Variants in GRIK2 observed in about 807,000 individuals in gnomAD.
The protein encoded by GRIK2 is glutamate receptor ionotropic, kainate 2.
Under a neutral mutation model 100.3 loss-of-function variants are expected in GRIK2, and 32 were observed. That is an observed-to-expected ratio of 0.32 (90% CI 0.24 to 0.43). GRIK2 has a LOEUF of 0.43. Ranked by LOEUF, GRIK2 falls within the 20% of genes least tolerant of loss-of-function variation. The pLI, the probability that GRIK2 is intolerant of heterozygous loss-of-function variation, is 1.00. For missense variants in GRIK2, 843 were observed against 1,114.9 expected (o/e 0.76, Z 3.47); for synonymous variants, 417 against 389.4 (o/e 1.07, Z -0.83).
intron 2 of GRIK2, among the ~76,000 whole-genome samples, chr6:101,558,691 C>T (rs1476462865): frequency 8.7e-6 from 1 of 114,498 alleles, no homozygotes; most frequent in Non-Finnish European, 1.8e-5. Context: ...TCTATGTTGA[C>T]TGCTAGTTTT....
intron 10 of GRIK2, among the ~76,000 whole-genome samples, chr6:101,820,907 T>A (rs1023652539): frequency 1.3e-5 from 2 of 152,214 alleles, no homozygotes; most frequent in African/African-American, 4.8e-5. Flanking sequence ...TACTCCATCA[T>A]GGCATTATCA....
chr6:101,648,471 T>C (rs1332302597), intron 4 of GRIK2, among the ~76,000 whole-genome samples: 2 of 152,126 alleles, frequency 1.3e-5, no homozygotes, highest in Non-Finnish European at 2.9e-5. Context: ...CATATTACCT[T>C]ACATCTATGT....
At chr6:101,850,719 A>G (rs1204842670) in intron 10 of GRIK2, among the ~76,000 whole-genome samples, 1 of 152,082 alleles carries the variant, frequency 6.6e-6, no homozygotes, top group Admixed American at 6.6e-5. Flanking sequence ...TGGGGTTGAT[A>G]GTAGAAATGC....
intron 7 of GRIK2, among the ~76,000 whole-genome samples, chr6:101,788,209 C>CT (rs1024999720): frequency 9.4e-5 from 14 of 149,450 alleles, no homozygotes; most frequent in Admixed American, 1.3e-4. Flanking sequence ...GAATTTCTTT[C>CT]TTTTTTTTTA....
intron 7 of GRIK2, among the ~76,000 whole-genome samples, chr6:101,755,887 A>G (rs17062456): frequency 6.6e-6 from 1 of 152,166 alleles, no homozygotes; most frequent in Non-Finnish European, 1.5e-5. Context: ...CAATTTTATG[A>G]AACATTATTA....
chr6:101,528,974 C>T (rs1775287426), intron 2 of GRIK2, among the ~76,000 whole-genome samples: 1 of 148,824 alleles, frequency 6.7e-6, no homozygotes, highest in Non-Finnish European at 1.5e-5. Flanking sequence ...TATGGCTTAG[C>T]CTATGAATAT....
chr6:101,776,549 T>G (rs1583126939), intron 7 of GRIK2, among the ~76,000 whole-genome samples: 2 of 152,116 alleles, frequency 1.3e-5, no homozygotes, highest in African/African-American at 4.8e-5. Flanking sequence ...CTTTTATAGA[T>G]GAAGAAACTG....
At chr6:101,606,617 C>T (rs917222911) in intron 2 of GRIK2, among the ~76,000 whole-genome samples, 1 of 152,110 alleles carries the variant, frequency 6.6e-6, no homozygotes, top group East Asian at 1.9e-4. Context: ...GACTCTGAGC[C>T]ACCTCCTTGT....
chr6:101,834,512 A>T (rs979578872), intron 10 of GRIK2, among the ~76,000 whole-genome samples: 1 of 152,096 alleles, frequency 6.6e-6, no homozygotes, highest in African/African-American at 2.4e-5. Context: ...TCTTTTGAAG[A>T]TATTTATAAA....
intron 7 of GRIK2, among the ~76,000 whole-genome samples, chr6:101,775,755 G>T (rs1472829193): frequency 6.6e-6 from 1 of 150,878 alleles, no homozygotes; most frequent in Non-Finnish European, 1.5e-5. Context: ...TATATATATG[G>T]AAACAATATA....
At chr6:101,667,367 G>A (rs747635780) in intron 4 of GRIK2, among the ~76,000 whole-genome samples, 2 of 152,134 alleles carry the variant, frequency 1.3e-5, no homozygotes, top group African/African-American at 2.4e-5. Flanking sequence ...TAGGGAAGAG[G>A]TAAACTAGAC....
rs142108345 is a variant in GRIK2, at chr6:101,902,255, C to T, written c.1748+12392C>T. 7.9e-3 allele frequency among the ~76,000 whole-genome samples: 1,205 copies of T among 151,874 alleles called. 22 individuals are homozygous for T. Among genetic ancestry groups the T allele is most frequent in the African/African-American group, 0.028 (1,140 of 41,446 alleles). On this transcript the variant is annotated intron_variant, in intron 12 of 16. Coordinates refer to ENST00000369134, the MANE Select transcript of GRIK2 (RefSeq NM_021956.5). ...AGAATGAGCAGGCCCTAGGATACCA[C>T]TAATATGTAATATGTTCAAGAGAAG...
At chr6:101,647,200 C>T (rs563387136) in intron 4 of GRIK2, among the ~76,000 whole-genome samples, 17 of 151,920 alleles carry the variant, frequency 1.1e-4, no homozygotes, top group Middle Eastern at 3.4e-3. Flanking sequence ...ATAACAGACA[C>T]AAAATGTAAA....
rs1582700613 is a variant in GRIK2 at position 102,002,468 on chromosome 6, T to C, written c.2086-32873T>C. ...ATGTATATATAATTATATACACATA[T>C]GTGTGTATGTATGGATATATGTTTT... On this transcript the variant is annotated intron_variant, in intron 14 of 16. Coordinates refer to ENST00000369134, the MANE Select transcript of GRIK2 (RefSeq NM_021956.5). 2.0e-5 allele frequency among the ~76,000 whole-genome samples: 3 copies of C among 149,672 alleles called. No homozygotes were observed. The East Asian group carries it at 5.9e-4, about 29-fold the overall frequency.
chr6:101,882,535 G>A (rs1056112503), intron 11 of GRIK2, among the ~76,000 whole-genome samples: 15 of 151,884 alleles, frequency 9.9e-5, no homozygotes, highest in African/African-American at 3.6e-4. Flanking sequence ...AGAAGGAGGT[G>A]CTGAAGCAGC....
At chr6:101,770,713 A>G (rs1778346726) in intron 7 of GRIK2, among the ~76,000 whole-genome samples, 1 of 152,128 alleles carries the variant, frequency 6.6e-6, no homozygotes, top group Admixed American at 6.5e-5. Flanking sequence ...ACAGCAGTGT[A>G]CCATTAAAGT....
Position 102,058,881 on chromosome 6 carries a change from A to G in GRIK2, c.2562+3301A>G, listed in dbSNP as rs558207355. 4.0e-5 allele frequency among the ~76,000 whole-genome samples: 6 copies of G among 151,590 alleles called. No individual in the cohort carries two copies. The South Asian group carries it at 1.2e-3, about 31-fold the overall frequency. On this transcript the variant is annotated intron_variant, in intron 16 of 16. Transcript: ENST00000369134. Reference sequence around the variant, plus strand: ...AAATAGTTTGTCAGATATGTCAGATATAATATATATGAAGTTTAGCTGAAT... The same window carrying G: ...AAATAGTTTGTCAGATATGTCAGATGTAATATATATGAAGTTTAGCTGAAT...
At chr6:101,583,456 A>AC (rs1562241837) in intron 2 of GRIK2, among the ~76,000 whole-genome samples, 2 of 152,118 alleles carry the variant, frequency 1.3e-5, no homozygotes, top group East Asian at 3.9e-4. Context: ...GTGTAGCTAC[A>AC]TTATAAATCC....
At chr6:101,533,288 A>G (rs1355110818) in intron 2 of GRIK2, among the ~76,000 whole-genome samples, 1 of 151,896 alleles carries the variant, frequency 6.6e-6, no homozygotes, top group Non-Finnish European at 1.5e-5. Context: ...TTACCTGACT[A>G]CAAGAAGTGA....
Sources: gnomAD v4.1 joint callset for allele counts (sites outside exome capture counted in the v4.1 genomes callset) on GRCh38, gnomAD v4.1.1 for gene constraint, MANE v1.5 for transcripts, NCBI Gene and HGNC (gene_info 2026-07-23, HGNC 2026-07-21) for gene names.